The following MPP7 variants were observed in gnomAD, a reference collection of about 807,000 sequenced individuals.
MPP7 encodes MAGUK p55 subfamily member 7.
MPP7 carries 60 observed loss-of-function variants against 76.5 expected under a neutral mutation model. That is an observed-to-expected ratio of 0.78 (90% CI 0.64 to 0.97). MPP7 has a LOEUF of 0.97. Ranked by LOEUF, MPP7 falls within the 50% of genes least tolerant of loss-of-function variation. The pLI, the probability that MPP7 is intolerant of heterozygous loss-of-function variation, is 0.00. For synonymous variants in MPP7, 237 were observed against 244.5 expected (o/e 0.97, Z 0.29); for missense variants, 641 against 694.0 (o/e 0.92, Z 0.86).
Position 28,316,379 on chromosome 10 carries a change from G to A in MPP7, c.-132+13550C>T, listed in dbSNP as rs539654565. ...GAACCCAGGAGGCAGAACCTGCAGT[G>A]AGCTGAGATCGTGCCACTGCACTCC... is the stretch of plus-strand genomic sequence containing the variant. On this transcript the variant is annotated intron_variant, in intron 2 of 11. Transcript: ENST00000441595. Among the ~76,000 whole-genome samples, 15 of 135,492 alleles carry A rather than the reference G, an allele frequency of 1.1e-4. No homozygotes were observed. The South Asian group carries it at 3.2e-3, about 29-fold the overall frequency. 88.9% of individuals were successfully genotyped at this position (135,492 alleles called of 152,430 possible). A position where few individuals can be genotyped will look rare whatever the true frequency, so the allele number is the denominator to read the frequency against.
chr10:28,279,327 G>C (rs1477323353), intron 1 of MPP7, among the ~76,000 whole-genome samples: 1 of 152,000 alleles, frequency 6.6e-6, no homozygotes, highest in Non-Finnish European at 1.5e-5. Flanking sequence ...TCAAGTCACC[G>C]ATAGAGACGT....
intron 3 of MPP7, among the ~76,000 whole-genome samples, chr10:28,194,597 A>G (rs1237940574): frequency 1.3e-5 from 2 of 152,218 alleles, no homozygotes; most frequent in Non-Finnish European, 2.9e-5. Context: ...CCCTAAATGC[A>G]TATTACTAGG....
chr10:28,107,105 C>A (rs1334330599), intron 11 of MPP7, among the ~76,000 whole-genome samples: 4 of 152,162 alleles, frequency 2.6e-5, no homozygotes, highest in Non-Finnish European at 5.9e-5. Context: ...AACTTATGAT[C>A]TCACCTTATC....
At chr10:28,239,504 G>T (rs545007949) in intron 1 of MPP7, among the ~76,000 whole-genome samples, 1 of 152,160 alleles carries the variant, frequency 6.6e-6, no homozygotes, top group East Asian at 1.9e-4. Context: ...TTCTCTAACT[G>T]ATGTCTGCAA....
intron 1 of MPP7, among the ~76,000 whole-genome samples, chr10:28,273,869 C>G (rs1355854146): frequency 6.6e-6 from 1 of 152,160 alleles, no homozygotes; most frequent in Non-Finnish European, 1.5e-5. Flanking sequence ...GTGGTGCACA[C>G]TTGTAGCCCC....
intron 3 of MPP7, among the ~76,000 whole-genome samples, chr10:28,193,282 A>G (rs377350925): frequency 2.5e-4 from 37 of 147,710 alleles, no homozygotes; most frequent in Middle Eastern, 3.6e-3. Context: ...GCACGATCCC[A>G]GCTCACTGCA....
rs532816925 is a variant in MPP7, at chr10:28,085,699, C to T, written c.1123+3972G>A. ...TAGCATCTCCAGTTTAGGACTATGT[C>T]GAGGGAATATCCCTGTTGGAAGACA... is the stretch of plus-strand genomic sequence containing the variant. On this transcript the variant is annotated intron_variant, in intron 12 of 16. Coordinates refer to ENST00000683449, the MANE Select transcript of MPP7 (RefSeq NM_001318170.2). Among the ~76,000 whole-genome samples, 10 of 152,130 alleles carry T rather than the reference C, an allele frequency of 6.6e-5. No individual in the cohort carries two copies. In the South Asian group the frequency reaches 1.9e-3, roughly 28 times the overall value.
chr10:28,163,521 C>G (rs1321772396), intron 3 of MPP7, among the ~76,000 whole-genome samples: 1 of 152,124 alleles, frequency 6.6e-6, no homozygotes, highest in Non-Finnish European at 1.5e-5. Flanking sequence ...ATGTTCACAC[C>G]TATACACCCA....
intron 6 of MPP7, among the ~76,000 whole-genome samples, chr10:28,130,595 G>C (rs1431513026): frequency 3.3e-5 from 5 of 152,050 alleles, no homozygotes; most frequent in Admixed American, 6.5e-5. Flanking sequence ...TGATTCTCAC[G>C]ACTGGGGCTC....
At chr10:28,193,804 G>C (rs1222452772) in intron 3 of MPP7, among the ~76,000 whole-genome samples, 1 of 151,246 alleles carries the variant, frequency 6.6e-6, no homozygotes. Context: ...AACGTGTGAA[G>C]ATATGCTTAA....
intron 1 of MPP7, among the ~76,000 whole-genome samples, chr10:28,260,736 C>T (rs1839920837): frequency 7.3e-6 from 1 of 137,570 alleles, no homozygotes; most frequent in African/African-American, 2.8e-5. Flanking sequence ...TGTGCTGCTG[C>T]ACTCCAGCTT....
At chr10:28,193,486 C>T (rs1018682698) in intron 3 of MPP7, among the ~76,000 whole-genome samples, 6 of 152,128 alleles carry the variant, frequency 3.9e-5, no homozygotes, top group African/African-American at 1.4e-4. Flanking sequence ...GCCGGGATTA[C>T]AGGCGTGAGT....
chr10:28,057,775 T>G, intron 15 of MPP7: 1 of 1,288,282 alleles, frequency 7.8e-7, no homozygotes, highest in African/African-American at 1.5e-5. Flanking sequence ...CCAAAGGGCT[T>G]CCGCAGGTCA....
chr10:28,214,286 C>T (rs1023676371), intron 2 of MPP7, among the ~76,000 whole-genome samples: 3 of 152,182 alleles, frequency 2.0e-5, no homozygotes, highest in African/African-American at 7.2e-5. Context: ...GGAAACTTTA[C>T]ACCAATTCAC....
chr10:28,273,873 T>A (rs1396837485), intron 1 of MPP7, among the ~76,000 whole-genome samples: 1 of 152,164 alleles, frequency 6.6e-6, no homozygotes, highest in African/African-American at 2.4e-5. Context: ...TGCACACTTG[T>A]AGCCCCAGCT....
intron 5 of MPP7, among the ~76,000 whole-genome samples, chr10:28,147,133 G>A (rs1346758941): frequency 2.6e-5 from 4 of 152,132 alleles, no homozygotes; most frequent in African/African-American, 7.2e-5. Context: ...AGGTATGTTT[G>A]TCAAACATAT....
chr10:28,224,308 G>A (rs900908454), intron 2 of MPP7, among the ~76,000 whole-genome samples: 1 of 151,618 alleles, frequency 6.6e-6, no homozygotes, highest in Non-Finnish European at 1.5e-5. Flanking sequence ...AAAAACTAAC[G>A]TGCTTAACAA....
chr10:28,292,316 C>T (rs1458036027), intron 1 of MPP7, among the ~76,000 whole-genome samples: 2 of 151,858 alleles, frequency 1.3e-5, no homozygotes, highest in Admixed American at 6.6e-5. Context: ...GCATAGTTGT[C>T]GATATATGTA....
chr10:28,271,757 C>T (rs1291173581), intron 1 of MPP7, among the ~76,000 whole-genome samples: 4 of 152,084 alleles, frequency 2.6e-5, no homozygotes, highest in Admixed American at 1.3e-4. Flanking sequence ...AGGTGGATCA[C>T]GAGGTCAGGA....
Sources: gnomAD v4.1 joint callset for allele counts (sites outside exome capture counted in the v4.1 genomes callset) on GRCh38, gnomAD v4.1.1 for gene constraint, MANE v1.5 for transcripts, NCBI Gene and HGNC (gene_info 2026-07-23, HGNC 2026-07-21) for gene names.